The following ADGRV1 variants were observed in gnomAD, a reference collection of about 807,000 sequenced individuals.
ADGRV1 encodes adhesion G protein-coupled receptor V1.
In ADGRV1, 359 loss-of-function variants were observed where a neutral mutation model predicts 596.2. The ratio of observed to expected loss-of-function variants is 0.60; its 90% CI spans 0.55 to 0.66. The LOEUF (loss-of-function observed/expected upper bound fraction) is 0.66, where lower values mean the gene tolerates loss of function less well. Ranked by LOEUF, ADGRV1 falls within the 30% of genes least tolerant of loss-of-function variation. ADGRV1 has a pLI of 0.00. For synonymous variants in ADGRV1, 2,681 were observed against 2,679.2 expected (o/e 1.00, Z -0.02); for missense variants, 7,274 against 7,575.6 (o/e 0.96, Z 1.48).
At chr5:90,906,350 G>A (rs1258284988) in intron 83 of ADGRV1, among the ~76,000 whole-genome samples, 2 of 152,048 alleles carry the variant, frequency 1.3e-5, no homozygotes, top group African/African-American at 2.4e-5. Context: ...GAAGCCATCA[G>A]GTCCTGGGCT....
At position 90,694,355 on chromosome 5, in the gene ADGRV1, G is replaced by T. The variant is rs750215775; in HGVS notation, c.7599G>T (p.Glu2533Asp). ...TVSILPDDFP[E>D]MDESFLISLL... ...CTATTCTTCCTGATGATTTCCCAGA[G>T]ATGGATGAGAGTTTTCTAATTTCTC... Residue 2533 changes from glutamate (E) to aspartate (D), a missense_variant, in exon 33 of 90, where the codon GAG (glutamate) becomes GAT (aspartate). This residue lies in a region of ADGRV1 where 3,643 missense variants were observed against 3,809.2 expected (regional missense o/e 0.96). Coordinates refer to ENST00000405460, the MANE Select transcript of ADGRV1 (RefSeq NM_032119.4). 17 of 1,613,986 alleles carry T rather than the reference G, an allele frequency of 1.1e-5. No homozygotes were observed. The highest frequency in any genetic ancestry group is 1.1e-5 in the Non-Finnish European group (13 of 1,179,884).
chr5:90,971,265 G>T (rs1778951858), intron 84 of ADGRV1, among the ~76,000 whole-genome samples: 1 of 152,188 alleles, frequency 6.6e-6, no homozygotes, highest in Admixed American at 6.5e-5. Flanking sequence ...AACCAAGTTG[G>T]AAAACACTTT....
At chr5:90,612,704 G>C (rs1673381) in intron 1 of ADGRV1, among the ~76,000 whole-genome samples, 10,778 of 151,956 alleles carry the variant, frequency 0.071, 452 homozygotes, top group Non-Finnish European at 0.093. Context: ...AAGTCATTAC[G>C]GTTTTTCTTC....
At chr5:90,790,133 A>G (rs1400162579) in intron 69 of ADGRV1, among the ~76,000 whole-genome samples, 1 of 152,204 alleles carries the variant, frequency 6.6e-6, no homozygotes, top group Admixed American at 6.5e-5. Flanking sequence ...ATTGTTTGCT[A>G]TAATGTGAAG....
intron 64 of ADGRV1, 184 bp from the exon 65 acceptor site, chr5:90,781,246 C>G (rs1758804445): frequency 1.6e-6 from 1 of 624,814 alleles, no homozygotes; most frequent in Admixed American, 2.6e-5. Flanking sequence ...ACACAGAAAT[C>G]TGTTTCAAAA....
intron 89 of ADGRV1, among the ~76,000 whole-genome samples, chr5:91,155,584 A>C (rs1796413306): frequency 6.6e-6 from 1 of 152,234 alleles, no homozygotes. Flanking sequence ...TTAGCATTTT[A>C]GCAGCTCTAA....
chr5:90,644,114 GT>G lies in ADGRV1; in HGVS notation c.2734+139del, dbSNP rs576814171. 1.6e-4 allele frequency: 100 copies of G among 618,156 alleles called. 1 individual carries two copies. Among genetic ancestry groups the G allele is most frequent in the South Asian group, 1.2e-3 (42 of 35,526 alleles). 38.3% of individuals were successfully genotyped at this position (618,156 alleles called of 1,614,324 possible). The stretch of plus-strand genomic sequence containing the variant: ...CTTAGAAATTACACATAGTGCGGAA[GT>G]TTTTTTTAGAATCATATTTAGGACC... On this transcript the variant is annotated intron_variant, in intron 14 of 89. Transcript: ENST00000405460.
At chr5:90,697,608 C>T (rs1315691222) in intron 34 of ADGRV1, among the ~76,000 whole-genome samples, 1 of 152,038 alleles carries the variant, frequency 6.6e-6, no homozygotes, top group East Asian at 1.9e-4. Flanking sequence ...ATATTTTAGC[C>T]TGGATTTTAT....
intron 82 of ADGRV1, among the ~76,000 whole-genome samples, chr5:90,860,696 C>A (rs1767467128): frequency 2.0e-5 from 3 of 149,164 alleles, no homozygotes; most frequent in East Asian, 2.0e-4. Flanking sequence ...TATTTTTGCA[C>A]CAATCTAATA....
chr5:90,897,561 A>G (rs1425069433), intron 83 of ADGRV1, among the ~76,000 whole-genome samples: 1 of 152,168 alleles, frequency 6.6e-6, no homozygotes, highest in East Asian at 1.9e-4. Context: ...ATTGATAATC[A>G]TATTTTCTCC....
intron 83 of ADGRV1, among the ~76,000 whole-genome samples, chr5:90,918,419 A>G (rs1253722764): frequency 1.3e-5 from 2 of 152,132 alleles, no homozygotes; most frequent in East Asian, 3.8e-4. Context: ...TGTTCGGGCT[A>G]TTTTCAGCGA....
chr5:90,655,240 A>C (rs1769235113), intron 20 of ADGRV1: 2 of 152,194 alleles, frequency 1.3e-5, no homozygotes, highest in African/African-American at 4.8e-5. Context: ...TGGCATTTTT[A>C]AGAGCTTAAG....
chr5:90,995,431 AT>A (rs1015037761), intron 85 of ADGRV1, among the ~76,000 whole-genome samples: 8 of 152,266 alleles, frequency 5.3e-5, no homozygotes, highest in African/African-American at 1.9e-4. Context: ...TCCAGGCTAT[AT>A]GAGTCTAGAG....
At chr5:90,636,471 C>T (rs1352707808) in intron 10 of ADGRV1, among the ~76,000 whole-genome samples, 5 of 151,812 alleles carry the variant, frequency 3.3e-5, no homozygotes, top group African/African-American at 4.8e-5. Context: ...CTTCTTAAAA[C>T]GGAAAAGCAT....
At chr5:90,705,793 T>C (rs1748511570) in intron 37 of ADGRV1, among the ~76,000 whole-genome samples, 1 of 152,198 alleles carries the variant, frequency 6.6e-6, no homozygotes, top group Admixed American at 6.5e-5. Flanking sequence ...AACATAACAT[T>C]TCAGCAGCAT....
rs1476548548 is a variant in ADGRV1 at position 90,728,908 on chromosome 5, A to T, written c.10401A>T (p.Leu3467=). The T allele has an allele frequency of 6.2e-7, 1 of 1,611,752 alleles. No individual in the cohort carries two copies. Among genetic ancestry groups the T allele is most frequent in the Admixed American group, 1.7e-5 (1 of 59,970 alleles). ...TGTCTTCAGCCAATGATATTTACCT[A>T]ATATTTGCCGAAAATGTCTTTCTAG... is the stretch of plus-strand genomic sequence containing the variant. The part of the protein sequence containing the change: ...EALSSANDIY[L]IFAENVFLGD... Residue 3467 remains leucine (L), a synonymous_variant, in exon 49 of 90, where the codon CTA becomes CTT. Transcript: ENST00000405460.
chr5:90,865,997 G>T (rs980359569), intron 83 of ADGRV1, among the ~76,000 whole-genome samples: 18 of 152,254 alleles, frequency 1.2e-4, no homozygotes, highest in African/African-American at 4.1e-4. Context: ...TTAAAAAAAT[G>T]CAGGCTTGGC....
At chr5:90,596,728 G>C (rs1760701585) in intron 1 of ADGRV1, among the ~76,000 whole-genome samples, 1 of 152,214 alleles carries the variant, frequency 6.6e-6, no homozygotes, top group South Asian at 2.1e-4. Context: ...GCAGTGAGCC[G>C]AGATGGCAGC....
intron 60 of ADGRV1, among the ~76,000 whole-genome samples, 200 bp downstream of exon 60, chr5:90,774,503 C>CA (rs1284524338): frequency 3.3e-5 from 5 of 152,032 alleles, no homozygotes; most frequent in Non-Finnish European, 7.4e-5. Context: ...GGTCATAGGT[C>CA]AAAGATTTCA....
Sources: gnomAD v4.1 joint callset for allele counts (sites outside exome capture counted in the v4.1 genomes callset) on GRCh38, gnomAD v4.1.1 for gene constraint, gnomAD v4.1.1 regional missense constraint, MANE v1.5 for transcripts, NCBI Gene and HGNC (gene_info 2026-07-23, HGNC 2026-07-21) for gene names.